CCDC148: variants seen among roughly 807,000 people sequenced by gnomAD.
CCDC148 encodes coiled-coil domain-containing protein 148.
A neutral mutation model predicts 85.7 loss-of-function variants in CCDC148; 89 were observed. The ratio of observed to expected loss-of-function variants is 1.04; its 90% CI spans 0.87 to 1.24. The LOEUF is 1.24. Ranked by LOEUF, CCDC148 falls within the 50% of genes most tolerant of loss-of-function variation. CCDC148 has a pLI of 0.00. For missense variants in CCDC148, 692 were observed against 671.7 expected (o/e 1.03, Z -0.33); for synonymous variants, 230 against 213.9 (o/e 1.08, Z -0.66).
chr2:158,193,002 A>G (rs1181636351), intron 11 of CCDC148, among the ~76,000 whole-genome samples: 1 of 152,024 alleles, frequency 6.6e-6, no homozygotes, highest in Non-Finnish European at 1.5e-5. Context: ...TCAAATTTTA[A>G]TCTTTATTAT....
intron 9 of CCDC148, among the ~76,000 whole-genome samples, chr2:158,274,361 C>T (rs143157816): frequency 2.2e-4 from 28 of 128,968 alleles, no homozygotes; most frequent in African/African-American, 7.2e-4. Context: ...GACAGCAACA[C>T]CATTCATGGG....
chr2:158,304,772 G>A, intron 9 of CCDC148, among the ~76,000 whole-genome samples: 1 of 152,134 alleles, frequency 6.6e-6, no homozygotes, highest in Non-Finnish European at 1.5e-5. Context: ...AAATTAGCCT[G>A]AAATTTAAGG....
At chr2:158,265,310 C>G (rs1405487148) in intron 9 of CCDC148, among the ~76,000 whole-genome samples, 1 of 152,084 alleles carries the variant, frequency 6.6e-6, no homozygotes, top group Non-Finnish European at 1.5e-5. Context: ...ACTAATGCAA[C>G]CAACCAATAA....
chr2:158,444,879 TA>T (rs1430469775), intron 1 of CCDC148, among the ~76,000 whole-genome samples: 1 of 146,838 alleles, frequency 6.8e-6, no homozygotes, highest in Non-Finnish European at 1.5e-5. Flanking sequence ...TGTTAGTTAA[TA>T]AAGAAATTTT....
intron 9 of CCDC148, among the ~76,000 whole-genome samples, chr2:158,278,308 C>T (rs1210740092): frequency 2.0e-5 from 3 of 152,020 alleles, no homozygotes; most frequent in Non-Finnish European, 4.4e-5. Flanking sequence ...ATGCACGAGC[C>T]TAAGCAGGGT....
Position 158,397,060 on chromosome 2 carries a change from G to A in CCDC148, c.26-38490C>T, listed in dbSNP as rs546963526. Among the ~76,000 whole-genome samples, 12 of 152,156 alleles carry A rather than the reference G, an allele frequency of 7.9e-5. 1 individual carries two copies. The highest frequency in any genetic ancestry group is 3.4e-3 in the Middle Eastern group (1 of 294). The stretch of plus-strand genomic sequence containing the variant: ...GGATGTACGGTGCAAAATGAAGTGA[G>A]AGCACTCCCACTCTCCAGGCAGCAA... On this transcript the variant is annotated intron_variant, in intron 1 of 13. Transcript: ENST00000283233.
chr2:158,378,016 T>C (rs934348776), intron 1 of CCDC148, among the ~76,000 whole-genome samples: 26 of 152,094 alleles, frequency 1.7e-4, no homozygotes, highest in African/African-American at 6.3e-4. Context: ...ATAGTACATC[T>C]TTAACTTAGA....
At chr2:158,179,024 T>C (rs1460267411) in intron 11 of CCDC148, 28 bp from the exon 12 acceptor site, 1 of 1,526,908 alleles carries the variant, frequency 6.5e-7, no homozygotes, top group Admixed American at 1.7e-5. Flanking sequence ...AAGGAAGTTG[T>C]GGAAGCATCA....
intron 1 of CCDC148, among the ~76,000 whole-genome samples, chr2:158,424,259 C>T (rs993030398): frequency 6.6e-6 from 1 of 152,122 alleles, no homozygotes; most frequent in African/African-American, 2.4e-5. Context: ...TATAAAGACA[C>T]ATGCACATGT....
chr2:158,223,637 C>T (rs1687324384), intron 10 of CCDC148, among the ~76,000 whole-genome samples: 1 of 152,138 alleles, frequency 6.6e-6, no homozygotes, highest in African/African-American at 2.4e-5. Flanking sequence ...AGAGGAACGA[C>T]CAGGCAGCAA....
At chr2:158,351,670 G>C (rs1353773504) in intron 2 of CCDC148, among the ~76,000 whole-genome samples, 1 of 152,108 alleles carries the variant, frequency 6.6e-6, no homozygotes, top group Admixed American at 6.5e-5. Context: ...CCATTGCCCA[G>C]GCTTGATTAG....
intron 1 of CCDC148, among the ~76,000 whole-genome samples, chr2:158,455,813 T>G (rs987791599): frequency 6.6e-6 from 1 of 152,238 alleles, no homozygotes; most frequent in East Asian, 1.9e-4. Context: ...CAATTAGTAT[T>G]GATAAACCAC....
At chr2:158,208,131 T>G (rs371512555) in intron 11 of CCDC148, among the ~76,000 whole-genome samples, 4 of 152,306 alleles carry the variant, frequency 2.6e-5, no homozygotes, top group Admixed American at 1.3e-4. Flanking sequence ...GGCAAAAAGA[T>G]ATGACCCTAG....
intron 11 of CCDC148, among the ~76,000 whole-genome samples, chr2:158,202,202 T>C (rs1285584929): frequency 6.6e-6 from 1 of 152,220 alleles, no homozygotes; most frequent in Non-Finnish European, 1.5e-5. Flanking sequence ...AAGTGTTCCA[T>C]ACACATACGC....
chr2:158,325,809 CT>C (rs1692743498), intron 7 of CCDC148, among the ~76,000 whole-genome samples: 1 of 152,150 alleles, frequency 6.6e-6, no homozygotes, highest in Admixed American at 6.6e-5. Context: ...TTGTTGCTCT[CT>C]TTTTCTTACA....
chr2:158,451,199 A>C (rs2105350448), intron 1 of CCDC148, among the ~76,000 whole-genome samples: 1 of 145,296 alleles, frequency 6.9e-6, no homozygotes, highest in Middle Eastern at 3.8e-3. Flanking sequence ...TTTCATCTTT[A>C]AGTTTTAAAA....
chr2:158,443,180 C>A (rs1464352520), intron 1 of CCDC148, among the ~76,000 whole-genome samples: 10 of 149,416 alleles, frequency 6.7e-5, no homozygotes. Context: ...AAAAAACAAA[C>A]AAAAAAAAGT....
intron 1 of CCDC148, among the ~76,000 whole-genome samples, chr2:158,404,990 T>A (rs894329541): frequency 1.3e-5 from 2 of 152,176 alleles, no homozygotes; most frequent in African/African-American, 4.8e-5. Flanking sequence ...AGTTACCAAC[T>A]GGAAAAATAA....
Position 158,176,531 on chromosome 2 carries a change from T to C in CCDC148, c.1619A>G (p.Asn540Ser), listed in dbSNP as rs1684596578. The change falls in exon 13 of 14, where the codon AAT (asparagine) becomes AGT (serine). Residue 540 changes from asparagine (N) to serine (S), a missense_variant. By Grantham distance (46) the Asn-to-Ser change is conservative (BLOSUM62 1). Coordinates refer to ENST00000283233, the MANE Select transcript of CCDC148 (RefSeq NM_138803.4). ...AATTTCCATAATTACCTGCTGTTCATTGTATGTATTCAATGTGAAGAGTGG... is the reference window on the plus strand; with the variant it reads ...AATTTCCATAATTACCTGCTGTTCACTGTATGTATTCAATGTGAAGAGTGG... ...QKPLFTLNTY[N>S]EQQIISDPRL... The C allele has an allele frequency of 1.2e-6, 2 of 1,611,436 alleles. No individual in the cohort carries two copies. Among genetic ancestry groups the C allele is most frequent in the African/African-American group, 1.3e-5 (1 of 74,950 alleles).
Sources: allele counts gnomAD v4.1 joint callset (sites outside exome capture counted in the v4.1 genomes callset), GRCh38; gene constraint gnomAD v4.1.1; transcripts MANE v1.5; gene names NCBI Gene and HGNC (gene_info 2026-07-23, HGNC 2026-07-21).